LRBA: variants seen among roughly 807,000 people sequenced by gnomAD.
LRBA encodes the protein LPS responsive beige-like anchor protein, also known as lipopolysaccharide-responsive and beige-like anchor protein.
In LRBA, 176 loss-of-function variants were observed where a neutral mutation model predicts 330.0. That is an observed-to-expected ratio of 0.53 (90% CI 0.47 to 0.60). The LOEUF (loss-of-function observed/expected upper bound fraction) is 0.60, where lower values mean the gene tolerates loss of function less well. Ranked by LOEUF, LRBA falls within the 20% of genes least tolerant of loss-of-function variation. The pLI is 0.00. For missense variants in LRBA, 3,259 were observed against 3,444.8 expected (o/e 0.95, Z 1.35); for synonymous variants, 1,230 against 1,193.0 (o/e 1.03, Z -0.64).
At chr4:150,386,028 G>A (rs372118992) in intron 47 of LRBA, among the ~76,000 whole-genome samples, 215 of 152,198 alleles carry the variant, frequency 1.4e-3, no homozygotes, top group African/African-American at 4.9e-3. Flanking sequence ...TTCTACTGCC[G>A]ATGGGTTACT....
intron 36 of LRBA, among the ~76,000 whole-genome samples, chr4:150,718,707 TTTA>T (rs1169181643): frequency 6.6e-6 from 1 of 152,142 alleles, no homozygotes. Flanking sequence ...ATTTAGAAAT[TTTA>T]TTATAACACC....
chr4:150,673,045 G>A (rs1192813389), intron 37 of LRBA, among the ~76,000 whole-genome samples: 2 of 152,128 alleles, frequency 1.3e-5, no homozygotes, highest in Non-Finnish European at 2.9e-5. Flanking sequence ...AGGATTCTGA[G>A]TCTTGGCTTT....
intron 28 of LRBA, among the ~76,000 whole-genome samples, chr4:150,841,413 T>C (rs1026719854): frequency 2.0e-5 from 3 of 152,210 alleles, no homozygotes; most frequent in Non-Finnish European, 2.9e-5. Context: ...CTGTCATTTA[T>C]TGAATACTTA....
rs192698552 is a variant in LRBA at position 151,011,015 on chromosome 4, G to A, written c.216+3412C>T. Among the ~76,000 whole-genome samples the A allele has an allele frequency of 4.4e-3, 673 of 151,778 alleles. 5 individuals carry two copies. The highest frequency in any genetic ancestry group is 0.015 in the African/African-American group (601 of 41,394). ...ATCCTGGCTGACACGGTGAAACCCCGTCTCTACTAAAAATACAAAAAATTA... is the reference window on the plus strand; with the variant it reads ...ATCCTGGCTGACACGGTGAAACCCCATCTCTACTAAAAATACAAAAAATTA... On this transcript the variant is annotated intron_variant, in intron 2 of 56. Coordinates refer to ENST00000651943, the MANE Select transcript of LRBA (RefSeq NM_001364905.1).
chr4:150,318,670 C>G (rs1277832102), intron 50 of LRBA, among the ~76,000 whole-genome samples: 1 of 152,120 alleles, frequency 6.6e-6, no homozygotes, highest in East Asian at 1.9e-4. Flanking sequence ...AGATCACATT[C>G]TAGAAAGATA....
At chr4:150,585,685 T>G (rs1772030038) in intron 40 of LRBA, among the ~76,000 whole-genome samples, 6 of 152,220 alleles carry the variant, frequency 3.9e-5, no homozygotes, top group Admixed American at 3.9e-4. Flanking sequence ...ATATGTCAGA[T>G]GTTACCCTTT....
intron 36 of LRBA, among the ~76,000 whole-genome samples, chr4:150,717,221 A>G (rs1728319136): frequency 6.6e-6 from 1 of 152,174 alleles, no homozygotes; most frequent in South Asian, 2.1e-4. Flanking sequence ...ATGATAATTT[A>G]TTTTATATTT....
intron 35 of LRBA, among the ~76,000 whole-genome samples, chr4:150,756,087 AC>A (rs1734258595): frequency 1.3e-5 from 2 of 151,714 alleles, no homozygotes; most frequent in South Asian, 2.1e-4. Context: ...GAGGATTTGC[AC>A]TTATTTTTCA....
At chr4:150,644,655 G>A (rs1778967712) in intron 37 of LRBA, among the ~76,000 whole-genome samples, 1 of 151,852 alleles carries the variant, frequency 6.6e-6, no homozygotes, top group Non-Finnish European at 1.5e-5. Context: ...CCTACATAAT[G>A]TTCCATTGTT....
chr4:150,931,582 A>G (rs1343450681), intron 2 of LRBA, among the ~76,000 whole-genome samples: 1 of 150,126 alleles, frequency 6.7e-6, no homozygotes, highest in Non-Finnish European at 1.5e-5. Context: ...CAACACAGCC[A>G]GACTCTGTCT....
At chr4:150,653,251 T>A (rs539355664) in intron 37 of LRBA, among the ~76,000 whole-genome samples, 3 of 152,214 alleles carry the variant, frequency 2.0e-5, no homozygotes, top group African/African-American at 7.2e-5. Flanking sequence ...GATAAACATA[T>A]GATTCTCAAA....
At chr4:150,932,363 TAAA>T (rs78850552) in intron 2 of LRBA, among the ~76,000 whole-genome samples, 11 of 132,364 alleles carry the variant, frequency 8.3e-5, no homozygotes, top group South Asian at 2.4e-4. Context: ...ACTAGGGTGT[TAAA>T]AAAAAAAAAA....
At chr4:150,846,085 A>T (rs926703571) in intron 26 of LRBA, among the ~76,000 whole-genome samples, 1 of 152,180 alleles carries the variant, frequency 6.6e-6, no homozygotes, top group Non-Finnish European at 1.5e-5. Context: ...AAAAGAAAGA[A>T]ATCATGTCTT....
At chr4:150,675,824 A>T (rs1422036884) in intron 37 of LRBA, among the ~76,000 whole-genome samples, 1 of 152,122 alleles carries the variant, frequency 6.6e-6, no homozygotes, top group African/African-American at 2.4e-5. Flanking sequence ...TCACATCACT[A>T]TTATTATAAT....
chr4:150,849,346 CAT>C, intron 25 of LRBA, 74 bp downstream of exon 25: 1 of 1,318,032 alleles, frequency 7.6e-7, no homozygotes, highest in Non-Finnish European at 1.1e-6. Context: ...GTAACCACCA[CAT>C]TTAAGTTTTA....
At chr4:150,376,178 C>A (rs909168828) in intron 47 of LRBA, among the ~76,000 whole-genome samples, 1 of 152,146 alleles carries the variant, frequency 6.6e-6, no homozygotes, top group Non-Finnish European at 1.5e-5. Flanking sequence ...AACCCCCACA[C>A]TGTGTCTAAC....
chr4:150,751,863 C>T (rs1733600833), intron 35 of LRBA, among the ~76,000 whole-genome samples: 2 of 152,120 alleles, frequency 1.3e-5, no homozygotes, highest in Admixed American at 1.3e-4. Context: ...CCATTGTCCA[C>T]ATCTGATTAT....
chr4:150,648,615 C>G (rs921479058), intron 37 of LRBA, among the ~76,000 whole-genome samples: 2 of 151,784 alleles, frequency 1.3e-5, no homozygotes, highest in Non-Finnish European at 2.9e-5. Context: ...GATTGAGAAC[C>G]CTTAAATGCC....
At chr4:150,958,705 T>C (rs113529764) in intron 2 of LRBA, among the ~76,000 whole-genome samples, 4,049 of 148,914 alleles carry the variant, frequency 0.027, 692 homozygotes, top group African/African-American at 0.1. Flanking sequence ...CCAGATACCC[T>C]AAATAACCTC....
Sources: gnomAD v4.1 joint callset for allele counts (sites outside exome capture counted in the v4.1 genomes callset) on GRCh38, gnomAD v4.1.1 for gene constraint, MANE v1.5 for transcripts, NCBI Gene and HGNC (gene_info 2026-07-23, HGNC 2026-07-21) for gene names.